The following ARID1B variants were observed in gnomAD, a reference collection of about 807,000 sequenced individuals.
The protein encoded by ARID1B is AT-rich interaction domain 1B.
ARID1B carries 30 observed loss-of-function variants against 212.3 expected under a neutral mutation model. The observed-to-expected ratio is 0.14, with a 90% CI of 0.11 to 0.19. ARID1B has a LOEUF of 0.19. Ranked by LOEUF, ARID1B falls within the 10% of genes least tolerant of loss-of-function variation. The pLI, the probability that ARID1B is intolerant of heterozygous loss-of-function variation, is 1.00. For synonymous variants in ARID1B, 1,402 were observed against 1,301.7 expected (o/e 1.08, Z -1.66); for missense variants, 2,891 against 3,204.0 (o/e 0.90, Z 2.36).
intron 4 of ARID1B, among the ~76,000 whole-genome samples, chr6:157,009,007 A>G (rs1779406210): frequency 6.6e-6 from 1 of 152,226 alleles, no homozygotes; most frequent in Non-Finnish European, 1.5e-5. Flanking sequence ...GTTAGCTTTT[A>G]GGCCAACCCT....
intron 5 of ARID1B, among the ~76,000 whole-genome samples, chr6:157,101,547 A>G (rs956669981): frequency 6.6e-6 from 1 of 152,188 alleles, no homozygotes; most frequent in Non-Finnish European, 1.5e-5. Context: ...ATGGTTTCAC[A>G]TGTCTTTTCA....
chr6:157,041,620 T>G (rs1443489695), intron 4 of ARID1B, among the ~76,000 whole-genome samples: 1 of 152,214 alleles, frequency 6.6e-6, no homozygotes, highest in Non-Finnish European at 1.5e-5. Context: ...ATATGAGACG[T>G]GGACACTGTT....
At chr6:157,205,209 T>G (rs1189939098) in intron 19 of ARID1B, 2 of 152,250 alleles carry the variant, frequency 1.3e-5, no homozygotes, top group Non-Finnish European at 2.9e-5. Flanking sequence ...TTCTAGTTGG[T>G]GCTGGGGGCT....
At chr6:157,198,517 G>C (rs904138044) in intron 16 of ARID1B, 1 of 367,372 alleles carries the variant, frequency 2.7e-6, no homozygotes, top group Non-Finnish European at 5.0e-6. Flanking sequence ...GCAGAGGCCA[G>C]AGGCTCTAAC....
chr6:156,828,537 G>T (rs1409833566), intron 1 of ARID1B, among the ~76,000 whole-genome samples: 1 of 152,156 alleles, frequency 6.6e-6, no homozygotes, highest in Non-Finnish European at 1.5e-5. Flanking sequence ...TATGACCTCG[G>T]CCCTGAAGCC....
intron 4 of ARID1B, chr6:156,976,213 C>A (rs1311873798): frequency 6.5e-6 from 1 of 153,066 alleles, no homozygotes; most frequent in South Asian, 1.9e-4. Context: ...TTCAGGCCAT[C>A]TGGATGTATA....
Position 156,811,613 on chromosome 6 carries a change from G to GA in ARID1B, c.1792-17613dup, listed in dbSNP as rs1781557699. 3.3e-5 allele frequency among the ~76,000 whole-genome samples: 5 copies of GA among 152,276 alleles called. No individual in the cohort carries two copies. The South Asian group carries it at 1.0e-3, about 32-fold the overall frequency. ...TGGTCTTTCTGAGCATGTGCAGGGG[G>GA]AGAGAGAGGATGCAAGAGCCTGTGC... On this transcript the variant is annotated intron_variant, in intron 1 of 19. Transcript: ENST00000636930.
At position 157,057,935 on chromosome 6, in the gene ARID1B, A is replaced by G. The variant is rs1054632978; in HGVS notation, c.2248-26727A>G. On this transcript the variant is annotated intron_variant, in intron 4 of 19. Coordinates refer to ENST00000636930, the MANE Select transcript of ARID1B (RefSeq NM_001374828.1). The stretch of plus-strand genomic sequence containing the variant: ...AGGAATTACTAATGTTGACATGAAA[A>G]TTACTAGTTAATTTTCTTTCTTTTG... Among the ~76,000 whole-genome samples the G allele has an allele frequency of 7.2e-5, 11 of 152,296 alleles. No homozygotes were observed. The East Asian group carries it at 1.7e-3, about 24-fold the overall frequency.
Position 156,779,249 on chromosome 6 carries a change from C to T in ARID1B, c.1569C>T (p.Tyr523=), listed in dbSNP as rs1307271255. Residue 523 remains tyrosine (Y), a synonymous_variant, in exon 1 of 20, where the codon TAC becomes TAT. Transcript: ENST00000636930. ...MRSYGGSYPE[Y]SSPSAPPPPP... ...GCTACGGCGGCAGCTACCCCGAGTA[C>T]AGCAGCCCCAGCGCGCCGCCGCCGC... The T allele has an allele frequency of 5.8e-6, 7 of 1,201,014 alleles. No homozygotes were observed. Among genetic ancestry groups the T allele is most frequent in the Non-Finnish European group, 7.3e-6 (7 of 962,138 alleles). The allele number at this position is 1,201,014 out of a possible 1,614,324, so 74.4% of individuals were successfully genotyped here.
chr6:157,100,598 G>C (rs1427382161), intron 5 of ARID1B, among the ~76,000 whole-genome samples: 1 of 152,264 alleles, frequency 6.6e-6, no homozygotes, highest in African/African-American at 2.4e-5. Flanking sequence ...CCTGAGACTA[G>C]GACATTTGTT....
At chr6:157,035,972 A>T (rs1476705801) in intron 4 of ARID1B, among the ~76,000 whole-genome samples, 2 of 152,180 alleles carry the variant, frequency 1.3e-5, no homozygotes, top group Non-Finnish European at 2.9e-5. Context: ...TTCTACTTAA[A>T]CACCTGCCAC....
At chr6:156,979,906 T>C (rs559279081) in intron 4 of ARID1B, among the ~76,000 whole-genome samples, 1 of 151,238 alleles carries the variant, frequency 6.6e-6, no homozygotes, top group East Asian at 2.0e-4. Flanking sequence ...AGGGTCTCAC[T>C]CTTTTACCCA....
intron 4 of ARID1B, among the ~76,000 whole-genome samples, chr6:156,997,144 A>T (rs557928203): frequency 1.3e-5 from 2 of 152,328 alleles, no homozygotes; most frequent in African/African-American, 4.8e-5. Context: ...ACCAAAATAG[A>T]TATAAAATTG....
At chr6:157,096,797 C>T (rs563684867) in intron 5 of ARID1B, among the ~76,000 whole-genome samples, 1 of 152,248 alleles carries the variant, frequency 6.6e-6, no homozygotes, top group South Asian at 2.1e-4. Flanking sequence ...AAGCCCAGCA[C>T]TGTTAAAAAG....
intron 2 of ARID1B, among the ~76,000 whole-genome samples, chr6:156,836,431 C>G (rs996774795): frequency 1.3e-5 from 2 of 152,028 alleles, no homozygotes; most frequent in African/African-American, 2.4e-5. Context: ...GGTTCTTGGC[C>G]CACTCGGTGA....
Position 157,132,816 on chromosome 6 carries a change from C to T in ARID1B, c.2582-212C>T, listed in dbSNP as rs564024625. Among the ~76,000 whole-genome samples the T allele has an allele frequency of 8.5e-5, 13 of 152,274 alleles. No homozygotes were observed. The East Asian group carries it at 2.3e-3, about 27-fold the overall frequency. Reference sequence around the variant, plus strand: ...ACAAGCCATTGGCTTCCTGGGAATCCTCTTGGGAATTCAGGGTTAGGACCA... The same window carrying T: ...ACAAGCCATTGGCTTCCTGGGAATCTTCTTGGGAATTCAGGGTTAGGACCA... On this transcript the variant is annotated intron_variant, in intron 6 of 19. Coordinates refer to ENST00000636930, the MANE Select transcript of ARID1B (RefSeq NM_001374828.1).
At chr6:156,951,166 T>G (rs1372665483) in intron 4 of ARID1B, among the ~76,000 whole-genome samples, 1 of 152,166 alleles carries the variant, frequency 6.6e-6, no homozygotes, top group African/African-American at 2.4e-5. Flanking sequence ...GACAGAATGT[T>G]TCATATCCTA....
intron 8 of ARID1B, among the ~76,000 whole-genome samples, chr6:157,161,431 G>GTATATATATATATATATATATATATATA (rs199731974): frequency 1.3e-4 from 18 of 139,362 alleles, no homozygotes; most frequent in Admixed American, 5.0e-4. Context: ...TTGTGTGTGT[G>GTATATATATATATATATATATATATATA]TATATATATA....
At chr6:157,193,507 T>C (rs1449324833) in intron 15 of ARID1B, 2 of 152,210 alleles carry the variant, frequency 1.3e-5, no homozygotes, top group African/African-American at 4.8e-5. Flanking sequence ...TGTGTCATGT[T>C]GTCAGCTAGG....
Sources: allele counts gnomAD v4.1 joint callset (sites outside exome capture counted in the v4.1 genomes callset), GRCh38; gene constraint gnomAD v4.1.1; transcripts MANE v1.5; gene names NCBI Gene and HGNC (gene_info 2026-07-23, HGNC 2026-07-21).